The following DNAJC6 variants were observed in gnomAD, a reference collection of about 807,000 sequenced individuals.
DNAJC6 encodes the protein auxilin.
DNAJC6 carries 34 observed loss-of-function variants against 110.0 expected under a neutral mutation model. The observed-to-expected ratio is 0.31, with a 90% CI of 0.24 to 0.41. The LOEUF is 0.41. DNAJC6 is among the 10% of genes least tolerant of loss of function. The pLI is 1.00. For missense variants in DNAJC6, 1,031 were observed against 1,207.8 expected, an observed-to-expected ratio of 0.85 and a Z score of 2.17; for synonymous variants, 406 against 437.2, an observed-to-expected ratio of 0.93 and a Z score of 0.89.
chr1:65,392,082 T>C (rs1645932643), intron 11 of DNAJC6, among the ~76,000 whole-genome samples: 1 of 152,130 alleles, frequency 6.6e-6, no homozygotes, highest in Admixed American at 6.6e-5. Flanking sequence ...GGCCGTTAGG[T>C]ACAATTTGTT....
At chr1:65,271,398 C>T (rs1653499740) in intron 1 of DNAJC6, among the ~76,000 whole-genome samples, 1 of 152,134 alleles carries the variant, frequency 6.6e-6, no homozygotes, top group Non-Finnish European at 1.5e-5. Context: ...ATCAGCATTG[C>T]CCCTTTCCCT....
chr1:65,397,909 G>A (rs1645994836), intron 13 of DNAJC6, among the ~76,000 whole-genome samples: 1 of 152,040 alleles, frequency 6.6e-6, no homozygotes, highest in Non-Finnish European at 1.5e-5. Context: ...ATGCCTTCTG[G>A]TGGTGATGGG....
intron 1 of DNAJC6, among the ~76,000 whole-genome samples, chr1:65,358,178 CAAAAA>C (rs11285114): frequency 1.2e-5 from 1 of 80,036 alleles, no homozygotes; most frequent in African/African-American, 4.6e-5. Flanking sequence ...GACTCAGTCT[CAAAAA>C]AAAAAAAAAA....
At chr1:65,380,381 A>G (rs553858871) in intron 5 of DNAJC6, among the ~76,000 whole-genome samples, 5 of 152,376 alleles carry the variant, frequency 3.3e-5, no homozygotes, top group African/African-American at 1.2e-4. Flanking sequence ...GTATTACTTG[A>G]TGATTCCCAA....
At chr1:65,360,083 T>A (rs1004041411) in intron 1 of DNAJC6, among the ~76,000 whole-genome samples, 3 of 152,204 alleles carry the variant, frequency 2.0e-5, no homozygotes, top group African/African-American at 4.8e-5. Context: ...CACCATTTTC[T>A]TCTTTGTTGT....
chr1:65,292,260 T>C (rs7517038), intron 1 of DNAJC6, among the ~76,000 whole-genome samples: 96,407 of 150,466 alleles, frequency 0.64, 31,082 homozygotes, highest in East Asian at 0.79. Flanking sequence ...TCAGATGATC[T>C]ACCCACCTTG....
At chr1:65,334,838 G>T (rs1645320286) in intron 1 of DNAJC6, among the ~76,000 whole-genome samples, 1 of 152,154 alleles carries the variant, frequency 6.6e-6, no homozygotes, top group South Asian at 2.1e-4. Context: ...GCTGTAAAAT[G>T]ATGGTGGTGG....
chr1:65,312,039 TAGGTG>T (rs1399316874), intron 1 of DNAJC6, among the ~76,000 whole-genome samples: 1 of 152,318 alleles, frequency 6.6e-6, no homozygotes, highest in Admixed American at 6.5e-5. Flanking sequence ...ACTTTTTTAA[TAGGTG>T]GAGAGAAGAA....
At chr1:65,317,595 G>C (rs1474136772) in intron 1 of DNAJC6, among the ~76,000 whole-genome samples, 1 of 152,210 alleles carries the variant, frequency 6.6e-6, no homozygotes, top group Admixed American at 6.5e-5. Context: ...AACCAGATGA[G>C]CCAATGCCTC....
upstream of DNAJC6, among the ~76,000 whole-genome samples, chr1:65,307,527 T>C (rs924829196): frequency 1.3e-5 from 2 of 152,158 alleles, no homozygotes; most frequent in Non-Finnish European, 2.9e-5. Context: ...TGATCCTGTA[T>C]TTATTTATTT....
upstream of DNAJC6, chr1:65,306,399 G>A (rs563470439): frequency 6.6e-6 from 1 of 152,236 alleles, no homozygotes; most frequent in East Asian, 1.9e-4. Flanking sequence ...GAAAATCACA[G>A]ATCAAAATCC....
intron 1 of DNAJC6, among the ~76,000 whole-genome samples, chr1:65,352,986 AT>A (rs1244117990): frequency 1.3e-5 from 2 of 151,970 alleles, no homozygotes; most frequent in Non-Finnish European, 2.9e-5. Flanking sequence ...CGAACAGAAA[AT>A]TTTTGCCTTA....
At position 65,413,108 on chromosome 1, in the gene DNAJC6, A is replaced by C; in HGVS notation, c.*83A>C. 7 of 1,153,868 alleles carry C rather than the reference A, an allele frequency of 6.1e-6. No individual in the cohort carries two copies. Among genetic ancestry groups the C allele is most frequent in the Non-Finnish European group, 7.6e-6 (6 of 788,956 alleles). 71.5% of individuals were successfully genotyped at this position (1,153,868 alleles called of 1,614,324 possible). Reference sequence around the variant, plus strand: ...ATTCTGAGGTTTTCGCAGATGAACCAAAAACTCCAGTAACATGTTTTCAGT... The same window carrying C: ...ATTCTGAGGTTTTCGCAGATGAACCCAAAACTCCAGTAACATGTTTTCAGT... On this transcript the variant is annotated 3_prime_UTR_variant, in exon 19 of 19. Transcript: ENST00000371069.
rs112967418 is a variant in DNAJC6 at position 65,283,647 on chromosome 1, T to C, written c.-131+18715T>C. On this transcript the variant is annotated intron_variant, in intron 1 of 19. Transcript: ENST00000263441. The stretch of plus-strand genomic sequence containing the variant: ...ACAAGTTCCTGTGTGAAAGTAAGTC[T>C]TCATTTCTTTGGGATAAATGCCCAA... Among the ~76,000 whole-genome samples the C allele has an allele frequency of 5.6e-3, 850 of 152,350 alleles. 16 individuals carry two copies. Among genetic ancestry groups the C allele is most frequent in the African/African-American group, 0.019 (789 of 41,578 alleles).
chr1:65,309,372 G>C (rs572671140), upstream of DNAJC6, among the ~76,000 whole-genome samples: 1 of 151,844 alleles, frequency 6.6e-6, no homozygotes, highest in South Asian at 2.1e-4. Context: ...GCTGCGCGGC[G>C]GGGCGACGCG....
intron 18 of DNAJC6, among the ~76,000 whole-genome samples, chr1:65,411,712 T>C (rs1359779409): frequency 7.6e-6 from 1 of 131,774 alleles, no homozygotes; most frequent in Non-Finnish European, 1.6e-5. Flanking sequence ...CTCATGCCTG[T>C]AATCCCAGCA....
chr1:65,295,490 C>T (rs374009399), intron 1 of DNAJC6, among the ~76,000 whole-genome samples: 20 of 152,188 alleles, frequency 1.3e-4, no homozygotes, highest in African/African-American at 4.6e-4. Context: ...TGGGCTATGG[C>T]AGCTCTAACC....
At chr1:65,347,684 C>T (rs544307779) in intron 1 of DNAJC6, among the ~76,000 whole-genome samples, 4 of 151,734 alleles carry the variant, frequency 2.6e-5, no homozygotes, top group Non-Finnish European at 5.9e-5. Flanking sequence ...ACCTCTTTTC[C>T]CCGTTGTCTC....
At chr1:65,362,766 A>G (rs888638909) in intron 1 of DNAJC6, among the ~76,000 whole-genome samples, 1 of 151,748 alleles carries the variant, frequency 6.6e-6, no homozygotes, top group Non-Finnish European at 1.5e-5. Context: ...CTACCTGGCC[A>G]CTGTTCACAT....
Sources: allele counts gnomAD v4.1 joint callset (sites outside exome capture counted in the v4.1 genomes callset), GRCh38; gene constraint gnomAD v4.1.1; transcripts MANE v1.5; gene names NCBI Gene and HGNC (gene_info 2026-07-23, HGNC 2026-07-21).